The following NFKB1 variants were observed in gnomAD, a reference collection of about 807,000 sequenced individuals.
NFKB1 encodes the protein nuclear factor kappa B subunit 1.
A neutral mutation model predicts 105.1 loss-of-function variants in NFKB1; 9 were observed. The observed-to-expected ratio is 0.09, with a 90% CI of 0.05 to 0.15. The LOEUF is 0.15. NFKB1 is among the 10% of genes least tolerant of loss of function. NFKB1 has a pLI of 1.00. For synonymous variants in NFKB1, 440 were observed against 442.2 expected, an observed-to-expected ratio of 1.00 and a Z score of 0.06; for missense variants, 830 against 1,203.7, an observed-to-expected ratio of 0.69 and a Z score of 4.59.
At chr4:102,608,881 G>C (rs531251753) in intron 19 of NFKB1, among the ~76,000 whole-genome samples, 41 of 152,252 alleles carry the variant, frequency 2.7e-4, no homozygotes, top group African/African-American at 8.2e-4. Flanking sequence ...AGCCAGACGT[G>C]ATGGCTCACA....
At chr4:102,587,489 T>A (rs1725807167) in intron 11 of NFKB1, among the ~76,000 whole-genome samples, 1 of 151,892 alleles carries the variant, frequency 6.6e-6, no homozygotes, top group East Asian at 1.9e-4. Flanking sequence ...CCTTTCCCAG[T>A]GGTATCTATG....
intron 5 of NFKB1, among the ~76,000 whole-genome samples, chr4:102,551,545 G>A (rs933926123): frequency 3.3e-5 from 5 of 152,106 alleles, no homozygotes; most frequent in Admixed American, 1.3e-4. Context: ...CTCAGTCACC[G>A]TAAGAAGAAC....
In NFKB1 at chr4:102,610,620, A is replaced by G. The variant is rs368017285; in HGVS notation, c.2273A>G (p.Asp758Gly). The change falls in exon 20 of 24, where the codon GAT (aspartate) becomes GGT (glycine). Residue 758 changes from aspartate (D) to glycine (G), a missense_variant. Physicochemically the swap from Asp to Gly is moderately conservative, Grantham distance 94. Transcript: ENST00000226574. ...VENFEPLYDL[D>G]DSWENAGEDE... ...AACTTTGAGCCTCTCTATGACCTGG[A>G]TGACTCTTGGGAAAATGCAGGAGAG... is the stretch of plus-strand genomic sequence containing the variant. 39 of 1,613,906 alleles carry G rather than the reference A, an allele frequency of 2.4e-5. No individual in the cohort carries two copies. The highest frequency in any genetic ancestry group is 3.1e-5 in the Non-Finnish European group (37 of 1,179,968).
intron 5 of NFKB1, among the ~76,000 whole-genome samples, chr4:102,557,949 T>G (rs1405296881): frequency 6.6e-6 from 1 of 152,014 alleles, no homozygotes; most frequent in Non-Finnish European, 1.5e-5. Context: ...CTGCCTCCAA[T>G]TTAGACCAGT....
At chr4:102,599,433 A>G (rs1302010835) in intron 15 of NFKB1, among the ~76,000 whole-genome samples, 1 of 152,216 alleles carries the variant, frequency 6.6e-6, no homozygotes, top group Non-Finnish European at 1.5e-5. Context: ...AGGCTTGAGT[A>G]AAGTGGCACC....
intron 20 of NFKB1, 30 bp downstream of exon 20, chr4:102,610,729 G>C: frequency 6.2e-7 from 1 of 1,609,610 alleles, no homozygotes; most frequent in Non-Finnish European, 8.5e-7. Context: ...TCTGATGGCT[G>C]CCCCTGAGGG....
At chr4:102,599,972 G>A (rs574682076) in intron 15 of NFKB1, among the ~76,000 whole-genome samples, 1 of 152,136 alleles carries the variant, frequency 6.6e-6, no homozygotes, top group Non-Finnish European at 1.5e-5. Flanking sequence ...CCTCATTAGC[G>A]TAAGCTCTTA....
rs755978063 is a variant in NFKB1 at position 102,567,022 on chromosome 4, T to A, written c.294T>A (p.Val98=). The part of the protein sequence containing the change: ...CNYVGPAKVI[V]QLVTNGKNIH... ...ATGTGGGACCAGCAAAGGTTATTGT[T>A]CAGTTGGTCACAAATGGAAAAAATA... Residue 98 remains valine (V), a synonymous_variant, in exon 6 of 24, where the codon GTT becomes GTA. Coordinates refer to ENST00000226574, the MANE Select transcript of NFKB1 (RefSeq NM_003998.4). 6.8e-6 allele frequency: 11 copies of A among 1,614,002 alleles called. No homozygotes were observed. Among genetic ancestry groups the A allele is most frequent in the Admixed American group, 3.3e-5 (2 of 60,012 alleles).
intron 15 of NFKB1, among the ~76,000 whole-genome samples, chr4:102,598,015 G>T (rs1342858484): frequency 6.6e-6 from 1 of 152,178 alleles, no homozygotes; most frequent in South Asian, 2.1e-4. Flanking sequence ...CTGAAGCATT[G>T]TTATCCCAGC....
chr4:102,535,153 G>A (rs1201315346), intron 4 of NFKB1, among the ~76,000 whole-genome samples: 1 of 152,150 alleles, frequency 6.6e-6, no homozygotes, highest in Non-Finnish European at 1.5e-5. Flanking sequence ...TCAATTCCCA[G>A]TGAAATTTTA....
intron 5 of NFKB1, among the ~76,000 whole-genome samples, chr4:102,561,318 C>T (rs1416511712): frequency 2.7e-5 from 4 of 146,110 alleles, no homozygotes; most frequent in African/African-American, 7.7e-5. Context: ...TGACTTGCAA[C>T]CTCACAGAAA....
chr4:102,606,583 C>G lies in NFKB1; in HGVS notation c.1840C>G (p.Arg614Gly). 1.9e-6 allele frequency: 3 copies of G among 1,614,072 alleles called. No homozygotes were observed. The highest frequency in any genetic ancestry group is 2.5e-6 in the Non-Finnish European group (3 of 1,180,016). ...TGGGGCCGACCTGAGCCTTCTGGAC[C>G]GCTTGGGTAACTCTGTTTTGCACCT... ...RAGADLSLLD[R>G]LGNSVLHLAA... is the part of the protein sequence containing the mutation. The change falls in exon 17 of 24, where the codon CGC (arginine) becomes GGC (glycine). Residue 614 changes from arginine to glycine, a missense_variant. By Grantham distance (125) the Arg-to-Gly change is moderately radical. Transcript: ENST00000226574.
intron 5 of NFKB1, among the ~76,000 whole-genome samples, chr4:102,539,236 CAAAAAAAA>C (rs550342036): frequency 1.0e-4 from 10 of 95,636 alleles, no homozygotes; most frequent in Admixed American, 6.1e-4. Flanking sequence ...GACTCTGTCT[CAAAAAAAA>C]AAAAAAAAAA....
At chr4:102,516,798 G>A (rs983676765) in intron 1 of NFKB1, among the ~76,000 whole-genome samples, 3 of 151,938 alleles carry the variant, frequency 2.0e-5, no homozygotes, top group Non-Finnish European at 4.4e-5. Flanking sequence ...CCTTTAAAAC[G>A]TGTTGAGCTT....
At chr4:102,611,286 G>A (rs1339371578) in intron 20 of NFKB1, among the ~76,000 whole-genome samples, 3 of 152,250 alleles carry the variant, frequency 2.0e-5, no homozygotes, top group African/African-American at 7.2e-5. Context: ...AGAGACGAGA[G>A]CTGCTCCACT....
At chr4:102,605,445 G>T (rs1449360398) in intron 16 of NFKB1, among the ~76,000 whole-genome samples, 1 of 152,164 alleles carries the variant, frequency 6.6e-6, no homozygotes, top group Non-Finnish European at 1.5e-5. Flanking sequence ...CAATGAAAAG[G>T]GAATTTTAGG....
intron 1 of NFKB1, among the ~76,000 whole-genome samples, chr4:102,502,657 G>T (rs1043338854): frequency 2.0e-5 from 3 of 152,118 alleles, no homozygotes; most frequent in Non-Finnish European, 2.9e-5. Context: ...AGACACCAGG[G>T]AATGTTTGCC....
At chr4:102,566,182 G>A (rs1723851703) in intron 5 of NFKB1, among the ~76,000 whole-genome samples, 1 of 152,156 alleles carries the variant, frequency 6.6e-6, no homozygotes, top group Non-Finnish European at 1.5e-5. Context: ...TGCTAAAAAT[G>A]TCATTATCTC....
At chr4:102,590,368 AC>A (rs1726070659) in intron 11 of NFKB1, among the ~76,000 whole-genome samples, 1 of 152,160 alleles carries the variant, frequency 6.6e-6, no homozygotes, top group Admixed American at 6.5e-5. Context: ...AATTCCTTAT[AC>A]AGTCATAGCT....
Sources: allele counts gnomAD v4.1 joint callset (sites outside exome capture counted in the v4.1 genomes callset), GRCh38; gene constraint gnomAD v4.1.1; transcripts MANE v1.5; gene names NCBI Gene and HGNC (gene_info 2026-07-23, HGNC 2026-07-21).